The following GNAI1 variants were observed in gnomAD, a reference collection of about 807,000 sequenced individuals.
The protein encoded by GNAI1 is G protein subunit alpha i1.
A neutral mutation model predicts 38.9 loss-of-function variants in GNAI1; 11 were observed. The ratio of observed to expected loss-of-function variants is 0.28; its 90% CI spans 0.18 to 0.47. The LOEUF is 0.47. Ranked by LOEUF, GNAI1 falls within the 20% of genes least tolerant of loss-of-function variation. The pLI is 0.99. For synonymous variants in GNAI1, 166 were observed against 145.1 expected, an observed-to-expected ratio of 1.14 and a Z score of -1.04; for missense variants, 317 against 436.9, an observed-to-expected ratio of 0.73 and a Z score of 2.45.
At chr7:80,177,525 A>G (rs1788207817) in intron 1 of GNAI1, among the ~76,000 whole-genome samples, 1 of 152,184 alleles carries the variant, frequency 6.6e-6, no homozygotes, top group Non-Finnish European at 1.5e-5. Context: ...CTCTGTTACC[A>G]GGATGGAGTG....
In GNAI1 at chr7:80,150,687, A is replaced by C. The variant is rs570849672; in HGVS notation, c.118+15409A>C. Among the ~76,000 whole-genome samples the C allele has an allele frequency of 2.6e-5, 4 of 152,250 alleles. No individual in the cohort carries two copies. The East Asian group carries it at 5.8e-4, about 22-fold the overall frequency. ...TGGACACACAGATGTTTATTATCTT[A>C]TTTTCTAGATATTTTTATGTGACTG... On this transcript the variant is annotated intron_variant, in intron 1 of 7. Transcript: ENST00000649796.
intron 1 of GNAI1, among the ~76,000 whole-genome samples, chr7:80,152,737 A>AT (rs892230498): frequency 7.3e-5 from 11 of 151,182 alleles, no homozygotes; most frequent in Non-Finnish European, 1.3e-4. Flanking sequence ...ATTTTTAAAT[A>AT]TTTTTTTAGT....
At chr7:80,184,096 C>G (rs140731069) in intron 1 of GNAI1, among the ~76,000 whole-genome samples, 1 of 152,146 alleles carries the variant, frequency 6.6e-6, no homozygotes, top group Non-Finnish European at 1.5e-5. Context: ...GGGAGGACTC[C>G]TCTGTGTGCC....
Position 80,135,055 on chromosome 7 carries a change from T to G in GNAI1, c.-106T>G, listed in dbSNP as rs951393055. 2 of 613,226 alleles carry G rather than the reference T, an allele frequency of 3.3e-6. No homozygotes were observed. The highest frequency in any genetic ancestry group is 4.1e-5 in the Admixed American group (1 of 24,368). The allele number at this position is 613,226 out of a possible 1,614,324, so 38.0% of individuals were successfully genotyped here. On this transcript the variant is annotated 5_prime_UTR_variant, in exon 1 of 8. Coordinates refer to ENST00000649796, the MANE Select transcript of GNAI1 (RefSeq NM_002069.6). ...AGTGGTGGGGGCGGCGTGGCCCCCG[T>G]CGGGAGGCGTTCGAACGCCCGCTAG...
intron 3 of GNAI1, among the ~76,000 whole-genome samples, chr7:80,197,858 C>CA (rs1788607662): frequency 6.6e-6 from 1 of 152,096 alleles, no homozygotes; most frequent in African/African-American, 2.4e-5. Flanking sequence ...TCAGCTAGTA[C>CA]ACTCTGCTAG....
Position 80,225,363 on chromosome 7 carries a change from T to C in GNAI1, c.*7870T>C. On this transcript the variant is annotated 3_prime_UTR_variant, in exon 8 of 8. Transcript: ENST00000649796. ...TGGAGGGGGAGTTGACCCTTCAAGATACTGGAAAATTATTAAATCCAGTTT... is the reference window on the plus strand; with the variant it reads ...TGGAGGGGGAGTTGACCCTTCAAGACACTGGAAAATTATTAAATCCAGTTT... Among the ~76,000 whole-genome samples the C allele has an allele frequency of 6.6e-6, 1 of 152,234 alleles. No individual in the cohort carries two copies. Among genetic ancestry groups the C allele is most frequent in the East Asian group, 1.9e-4 (1 of 5,202 alleles).
At position 80,135,277 on chromosome 7, in the gene GNAI1, C is replaced by G. The variant is rs372783127; in HGVS notation, c.117C>G (p.Leu39=). 22 of 1,472,066 alleles carry G rather than the reference C, an allele frequency of 1.5e-5. No individual in the cohort carries two copies. The highest frequency in any genetic ancestry group is 2.0e-5 in the Non-Finnish European group (22 of 1,107,158). The allele number at this position is 1,472,066 out of a possible 1,614,324, so 91.2% of individuals were successfully genotyped here. Residue 39 remains leucine (L), a splice_region_variant and synonymous_variant, in exon 1 of 8, where the codon CTC becomes CTG. Coordinates refer to ENST00000649796, the MANE Select transcript of GNAI1 (RefSeq NM_002069.6). ...CGCGCGAGGTCAAGCTGCTGCTGCTCGGTAAGGGCGGCCGGGTCGGGGCCC... is the reference window on the plus strand; with the variant it reads ...CGCGCGAGGTCAAGCTGCTGCTGCTGGGTAAGGGCGGCCGGGTCGGGGCCC... ...KAAREVKLLL[L]GAGESGKSTI...
At chr7:80,205,015 T>C (rs1025342338) in intron 5 of GNAI1, among the ~76,000 whole-genome samples, 3 of 152,186 alleles carry the variant, frequency 2.0e-5, no homozygotes, top group Non-Finnish European at 4.4e-5. Context: ...TTTTTTAAAA[T>C]CTGCTAGTTT....
In GNAI1 at chr7:80,139,626, T is replaced by C. The variant is rs73378623; in HGVS notation, c.118+4348T>C. On this transcript the variant is annotated intron_variant, in intron 1 of 7. Coordinates refer to ENST00000649796, the MANE Select transcript of GNAI1 (RefSeq NM_002069.6). ...TGGCTTCTTAATTATGTAAAATTAT[T>C]ATCTTGCTGGAATATAAACTTTGTG... is the stretch of plus-strand genomic sequence containing the variant. Among the ~76,000 whole-genome samples, 670 of 152,298 alleles carry C rather than the reference T, an allele frequency of 4.4e-3. 1 individual carries two copies. The highest frequency in any genetic ancestry group is 0.015 in the African/African-American group (642 of 41,584).
At chr7:80,191,909 T>G (rs1338981032) in intron 3 of GNAI1, among the ~76,000 whole-genome samples, 1 of 152,222 alleles carries the variant, frequency 6.6e-6, no homozygotes, top group East Asian at 1.9e-4. Context: ...GTTTTTAACA[T>G]CTGATAAATC....
At chr7:80,166,678 G>A (rs1197450540) in intron 1 of GNAI1, among the ~76,000 whole-genome samples, 2 of 152,128 alleles carry the variant, frequency 1.3e-5, no homozygotes, top group Non-Finnish European at 2.9e-5. Flanking sequence ...AAAATGACAT[G>A]GGTGCTTTGG....
At position 80,217,574 on chromosome 7, in the gene GNAI1, C is replaced by T. The variant is rs1788995865; in HGVS notation, c.*81C>T. 1 of 733,520 alleles carries T rather than the reference C, an allele frequency of 1.4e-6. No homozygotes were observed. The highest frequency in any genetic ancestry group is 1.8e-5 in the African/African-American group (1 of 55,398). 45.4% of individuals were successfully genotyped at this position (733,520 alleles called of 1,614,324 possible). ...ATCTCTGTAGACTAGAGTCTTGCAG[C>T]AACACAGAATGTAATATAAGGCAAA... On this transcript the variant is annotated 3_prime_UTR_variant, in exon 8 of 8. Coordinates refer to ENST00000649796, the MANE Select transcript of GNAI1 (RefSeq NM_002069.6).
intron 1 of GNAI1, among the ~76,000 whole-genome samples, chr7:80,152,028 C>A (rs183668938): frequency 6.6e-6 from 1 of 152,150 alleles, no homozygotes. Flanking sequence ...TCTCCTTTCA[C>A]GGCCTCTTTT....
At chr7:80,207,503 AAG>A (rs1239873194) in intron 5 of GNAI1, among the ~76,000 whole-genome samples, 1 of 152,086 alleles carries the variant, frequency 6.6e-6, no homozygotes, top group Non-Finnish European at 1.5e-5. Flanking sequence ...TGGTGACTTA[AAG>A]ATAAACACAC....
chr7:80,171,969 C>T (rs893151115), intron 1 of GNAI1, among the ~76,000 whole-genome samples: 1 of 152,088 alleles, frequency 6.6e-6, no homozygotes, highest in Non-Finnish European at 1.5e-5. Context: ...AATAGTGGTC[C>T]AGTGAAAAGT....
Position 80,221,631 on chromosome 7 carries a change from A to AATTTTCT in GNAI1, c.*4138_*4139insATTTTCT, listed in dbSNP as rs1455648007. Among the ~76,000 whole-genome samples, 12 of 78,462 alleles carry AATTTTCT rather than the reference A, an allele frequency of 1.5e-4. 1 individual carries two copies. Among genetic ancestry groups the AATTTTCT allele is most frequent in the Admixed American group, 1.7e-4 (1 of 5,930 alleles). The allele number at this position is 78,462 out of a possible 152,430, so 51.5% of individuals were successfully genotyped here. ...TTTATATTTTAATGTTAGGTTGGAA[A>AATTTTCT]TTTTCTTTTTTTTTTTTTTTTTTTT... On this transcript the variant is annotated 3_prime_UTR_variant, in exon 8 of 8. Coordinates refer to ENST00000649796, the MANE Select transcript of GNAI1 (RefSeq NM_002069.6).
intron 1 of GNAI1, among the ~76,000 whole-genome samples, chr7:80,166,037 A>G (rs2714466): frequency 0.061 from 9,331 of 152,246 alleles, 386 homozygotes; most frequent in Non-Finnish European, 0.088. Flanking sequence ...TTTACCATTT[A>G]TAGTCTAGCA....
chr7:80,179,062 G>A (rs1032369831), intron 1 of GNAI1, among the ~76,000 whole-genome samples: 3 of 152,098 alleles, frequency 2.0e-5, no homozygotes, highest in African/African-American at 7.2e-5. Flanking sequence ...GCCTTTTATT[G>A]TGCTATTTGT....
At chr7:80,175,894 ACC>A (rs1425816068) in intron 1 of GNAI1, among the ~76,000 whole-genome samples, 23 of 152,114 alleles carry the variant, frequency 1.5e-4, no homozygotes, top group African/African-American at 5.3e-4. Context: ...CTTATTACTA[ACC>A]CTGCAGAGTG....
Sources: gnomAD v4.1 joint callset for allele counts (sites outside exome capture counted in the v4.1 genomes callset) on GRCh38, gnomAD v4.1.1 for gene constraint, MANE v1.5 for transcripts, NCBI Gene and HGNC (gene_info 2026-07-23, HGNC 2026-07-21) for gene names.